The following CASQ2 variants were observed in gnomAD, a reference collection of about 807,000 sequenced individuals.
CASQ2 encodes calsequestrin-2.
CASQ2 carries 49 observed loss-of-function variants against 46.5 expected under a neutral mutation model. The observed-to-expected ratio is 1.05, with a 90% CI of 0.84 to 1.34. The LOEUF (loss-of-function observed/expected upper bound fraction) is 1.34, where lower values mean the gene tolerates loss of function less well. Among genes scored for constraint, CASQ2 ranks in the 40% most tolerant of loss-of-function variants. The pLI, the probability that CASQ2 is intolerant of heterozygous loss-of-function variation, is 0.00. For missense variants in CASQ2, 486 were observed against 481.3 expected, an observed-to-expected ratio of 1.01 and a Z score of -0.09; for synonymous variants, 174 against 168.5, an observed-to-expected ratio of 1.03 and a Z score of -0.25.
intron 1 of CASQ2, among the ~76,000 whole-genome samples, chr1:115,755,354 C>T (rs1399281248): frequency 6.6e-6 from 1 of 152,092 alleles, no homozygotes; most frequent in Admixed American, 6.5e-5. Context: ...CTCAAACTCT[C>T]CTTGGGAAAA....
At chr1:115,716,208 A>G (rs536178841) in intron 8 of CASQ2, among the ~76,000 whole-genome samples, 1 of 152,360 alleles carries the variant, frequency 6.6e-6, no homozygotes, top group South Asian at 2.1e-4. Context: ...CTCACAGAGC[A>G]CTGCCATAGG....
Position 115,705,260 on chromosome 1 carries a change from C to A in CASQ2, c.871G>T (p.Val291Phe). 1.9e-6 allele frequency: 3 copies of A among 1,613,992 alleles called. No individual in the cohort carries two copies. The highest frequency in any genetic ancestry group is 2.5e-6 in the Non-Finnish European group (3 of 1,179,866). The change falls in exon 9 of 11, where the codon GTT (valine) becomes TTT (phenylalanine). Residue 291 changes from valine to phenylalanine, a missense_variant. Val to Phe is a conservative substitution (Grantham distance 50). Transcript: ENST00000261448. ...GYEFLEILKQ[V>F]ARDNTDNPDL... The stretch of plus-strand genomic sequence containing the variant: ...GGGTTGTCAGTATTGTCCCGGGCAA[C>A]CTGTTTCAGGATCTCCAGGAATTCG...
chr1:115,740,587 C>T (rs1051010693), intron 3 of CASQ2, 141 bp downstream of exon 3: 7 of 672,342 alleles, frequency 1.0e-5, no homozygotes, highest in South Asian at 1.7e-5. Context: ...AATATAGGTG[C>T]TCCTTAGTTT....
intron 8 of CASQ2, among the ~76,000 whole-genome samples, chr1:115,716,278 G>A (rs975015058): frequency 1.3e-5 from 2 of 152,216 alleles, no homozygotes; most frequent in African/African-American, 4.8e-5. Context: ...GTTGAAAAGA[G>A]TGAAACCAGA....
intron 4 of CASQ2, among the ~76,000 whole-genome samples, chr1:115,736,613 G>A (rs1471248387): frequency 6.6e-6 from 1 of 152,144 alleles, no homozygotes; most frequent in African/African-American, 2.4e-5. Flanking sequence ...CTCCAGCCTA[G>A]GCAACAGAGC....
chr1:115,719,760 T>C (rs1280469681), intron 7 of CASQ2, among the ~76,000 whole-genome samples: 1 of 152,114 alleles, frequency 6.6e-6, no homozygotes, highest in Non-Finnish European at 1.5e-5. Context: ...AGGGGAGGAA[T>C]AGCTGTGCTG....
At chr1:115,744,998 G>A (rs1648334480) in intron 1 of CASQ2, 86 bp from the exon 2 acceptor site, 2 of 973,646 alleles carry the variant, frequency 2.1e-6, no homozygotes, top group African/African-American at 3.2e-5. Flanking sequence ...ATGTATCAAT[G>A]GAAGGGTTTC....
chr1:115,740,445 G>T (rs1220740516), intron 3 of CASQ2, among the ~76,000 whole-genome samples: 1 of 152,166 alleles, frequency 6.6e-6, no homozygotes, highest in Non-Finnish European at 1.5e-5. Flanking sequence ...TAGCAGTGGA[G>T]CAAAACCAAG....
At chr1:115,757,996 G>T (rs1648820213) in intron 1 of CASQ2, among the ~76,000 whole-genome samples, 1 of 152,098 alleles carries the variant, frequency 6.6e-6, no homozygotes, top group African/African-American at 2.4e-5. Flanking sequence ...AGTCATTTAG[G>T]TTCAACACAT....
chr1:115,710,454 T>C (rs7551746), intron 8 of CASQ2, among the ~76,000 whole-genome samples: 88,804 of 151,978 alleles, frequency 0.58, 26,429 homozygotes, highest in African/African-American at 0.68. Flanking sequence ...CTGAGGTCTC[T>C]GCACTCCTAC....
intron 3 of CASQ2, among the ~76,000 whole-genome samples, chr1:115,739,333 T>A (rs916351877): frequency 5.3e-5 from 8 of 151,748 alleles, no homozygotes; most frequent in Non-Finnish European, 1.2e-4. Context: ...GCCAGGATGG[T>A]CTCGATCTCC....
At chr1:115,725,967 C>G (rs1226171345) in intron 6 of CASQ2, among the ~76,000 whole-genome samples, 5 of 152,124 alleles carry the variant, frequency 3.3e-5, no homozygotes, top group Admixed American at 1.3e-4. Context: ...TTAAAACTGC[C>G]TTTGTTTTAT....
At chr1:115,748,516 A>G (rs938920083) in intron 1 of CASQ2, among the ~76,000 whole-genome samples, 1 of 29,450 alleles carries the variant, frequency 3.4e-5, no homozygotes, top group South Asian at 1.6e-3. Flanking sequence ...GCCTACCCCC[A>G]CCCCCACCCC....
intron 1 of CASQ2, among the ~76,000 whole-genome samples, chr1:115,767,869 G>A (rs750041886): frequency 6.6e-6 from 1 of 152,194 alleles, no homozygotes; most frequent in Non-Finnish European, 1.5e-5. Context: ...CCAGAGAGAC[G>A]CAAGGTCAAG....
chr1:115,761,435 GA>G (rs1415129331), intron 1 of CASQ2, among the ~76,000 whole-genome samples: 1 of 2,424 alleles, frequency 4.1e-4, no homozygotes, highest in Non-Finnish European at 6.9e-4. Flanking sequence ...AGAAGAAGAA[GA>G]AGAAAGAAGA....
intron 5 of CASQ2, 86 bp downstream of exon 5, chr1:115,732,815 A>G: frequency 1.1e-6 from 1 of 941,516 alleles, no homozygotes; most frequent in Non-Finnish European, 1.8e-6. Flanking sequence ...TAATGTTGCT[A>G]AAAGAAAAGA....
chr1:115,740,913 C>A, intron 2 of CASQ2, 85 bp from the exon 3 acceptor site: 1 of 897,314 alleles, frequency 1.1e-6, no homozygotes. Context: ...CTGAGGGTTT[C>A]TGGGTGACAG....
chr1:115,709,367 T>A (rs1035081175), intron 8 of CASQ2, among the ~76,000 whole-genome samples: 6 of 152,224 alleles, frequency 3.9e-5, no homozygotes, highest in Admixed American at 3.3e-4. Flanking sequence ...ATTACATGGA[T>A]GAATGACTGA....
rs74700115 is a variant in CASQ2 at position 115,735,138 on chromosome 1, A to G, written c.533-2164T>C. 7.5e-3 allele frequency among the ~76,000 whole-genome samples: 1,145 copies of G among 152,318 alleles called. 17 individuals carry two copies. Among genetic ancestry groups the G allele is most frequent in the African/African-American group, 0.026 (1,083 of 41,558 alleles). On this transcript the variant is annotated intron_variant, in intron 4 of 10. Transcript: ENST00000261448. The stretch of plus-strand genomic sequence containing the variant: ...TTCTGAAAATCTTGAGATTCAAATA[A>G]TATTTATTCAGAGAAAAAGTTCATC...
Sources: allele counts gnomAD v4.1 joint callset (sites outside exome capture counted in the v4.1 genomes callset), GRCh38; gene constraint gnomAD v4.1.1; transcripts MANE v1.5; gene names NCBI Gene and HGNC (gene_info 2026-07-23, HGNC 2026-07-21).